Variants in SHISA5 observed in about 807,000 individuals in gnomAD.
SHISA5 encodes the protein protein shisa-5.
Under a neutral mutation model 27.5 loss-of-function variants are expected in SHISA5, and 21 were observed. The ratio of observed to expected loss-of-function variants is 0.76; its 90% confidence interval spans 0.54 to 1.10. The LOEUF (loss-of-function observed/expected upper bound fraction) is 1.10, where lower values mean the gene tolerates loss of function less well. SHISA5 is among the 50% of genes least tolerant of loss of function. The pLI, the probability that SHISA5 is intolerant of heterozygous loss-of-function variation, is 0.00. For synonymous variants in SHISA5, 137 were observed against 142.2 expected (o/e 0.96, Z 0.26); for missense variants, 314 against 336.3 (o/e 0.93, Z 0.52).
chr3:48,501,331 G>C, intron 1 of SHISA5, 38 bp from the exon 2 acceptor site: 1 of 1,601,490 alleles, frequency 6.2e-7, no homozygotes, highest in Non-Finnish European at 8.5e-7. Flanking sequence ...CTGTGCCCAC[G>C]GGCCAGGCCC....
In SHISA5 at chr3:48,468,761, G is replaced by C; in HGVS notation, c.*346C>G. On this transcript the variant is annotated 3_prime_UTR_variant, in exon 6 of 6. Transcript: ENST00000296444. The stretch of plus-strand genomic sequence containing the variant: ...GGTCACCCTAGGGTAAGCTGGAGAA[G>C]AACTCCAGATGTGCCCTGGAGAGGC... 1 of 1,378,764 alleles carries C rather than the reference G, an allele frequency of 7.3e-7. No individual in the cohort carries two copies. Among genetic ancestry groups the C allele is most frequent in the Non-Finnish European group, 9.6e-7 (1 of 1,046,972 alleles). The allele number at this position is 1,378,764 out of a possible 1,614,324, so 85.4% of individuals were successfully genotyped here. A position where few individuals can be genotyped will look rare whatever the true frequency, so the allele number is the denominator to read the frequency against.
At chr3:48,489,565 G>T (rs532876602) in intron 2 of SHISA5, among the ~76,000 whole-genome samples, 1 of 147,834 alleles carries the variant, frequency 6.8e-6, no homozygotes, top group East Asian at 2.0e-4. Flanking sequence ...CTTGTGATCC[G>T]CCCGCCTCGG....
chr3:48,501,420 T>A, intron 1 of SHISA5, 127 bp from the exon 2 acceptor site: 1 of 1,095,374 alleles, frequency 9.1e-7, no homozygotes, highest in Non-Finnish European at 1.3e-6. Context: ...TGAGCCACCC[T>A]AGCCACAGGC....
At position 48,504,083 on chromosome 3, in the gene SHISA5, C is replaced by A. The variant is rs372831270; in HGVS notation, c.12G>T (p.Pro4=). ...GCAACAGGATCCGCGGCGCGGGGAC[C>A]GGCGCAGTCATGGCTGGGCGGGCGG... The part of the protein sequence containing the change: MTA[P]VPAPRILLPL... Residue 4 remains proline (P), a synonymous_variant, in exon 1 of 6, where the codon CCG becomes CCT. Transcript: ENST00000296444. This position sits in a 1 kb window ranked among gnomAD's most constrained non-coding sequence, Gnocchi z 4.0. 3.6e-6 allele frequency: 5 copies of A among 1,390,440 alleles called. No homozygotes were observed. The highest frequency in any genetic ancestry group is 3.1e-5 in the East Asian group (1 of 32,544). The allele number at this position is 1,390,440 out of a possible 1,614,324, so 86.1% of individuals were successfully genotyped here.
rs751571592 is a variant in SHISA5 at position 48,468,788 on chromosome 3, CCCACCTCTCAGGGG to C, written c.*305_*318del. ...ACTCCAGATGTGCCCTGGAGAGGCC[CCCACCTCTCAGGGG>C]CCACCTCACAGGGTGCCCCCCACCA... On this transcript the variant is annotated 3_prime_UTR_variant, in exon 6 of 6. Coordinates refer to ENST00000296444, the MANE Select transcript of SHISA5 (RefSeq NM_016479.6). 1.6e-4 allele frequency: 227 copies of C among 1,424,418 alleles called. No individual in the cohort carries two copies. Among genetic ancestry groups the C allele is most frequent in the Non-Finnish European group, 2.0e-4 (220 of 1,075,706 alleles). The allele number at this position is 1,424,418 out of a possible 1,614,324, so 88.2% of individuals were successfully genotyped here.
Position 48,473,042 on chromosome 3 carries a change from T to C in SHISA5, c.315-3199A>G. The stretch of plus-strand genomic sequence containing the variant: ...TAGCCTCTGCCTTCACCCAGAGGCC[T>C]CCTGTACCCCTGGGCTTTCCCCTCT... On this transcript the variant is annotated intron_variant, in intron 3 of 5. Transcript: ENST00000296444. This position sits in a 1 kb window ranked among gnomAD's most constrained non-coding sequence, Gnocchi z 4.3. 6.5e-7 allele frequency: 1 copy of C among 1,535,220 alleles called. No homozygotes were observed. The highest frequency in any genetic ancestry group is 2.4e-5 in the East Asian group (1 of 40,894).
upstream of SHISA5, chr3:48,504,235 CAGG>C (rs1188815475): frequency 1.9e-3 from 714 of 370,354 alleles, no homozygotes; most frequent in Middle Eastern, 2.8e-3. This position sits in a 1 kb window ranked among gnomAD's most constrained non-coding sequence, Gnocchi z 4.0. Flanking sequence ...TCCGGGGGAG[CAGG>C]AGGAGGAGGA....
At chr3:48,484,845 A>C (rs1465017923) in intron 2 of SHISA5, among the ~76,000 whole-genome samples, 1 of 151,904 alleles carries the variant, frequency 6.6e-6, no homozygotes, top group South Asian at 2.1e-4. Flanking sequence ...GTGAGCCGAG[A>C]TGGCGCCACT....
intron 3 of SHISA5, among the ~76,000 whole-genome samples, chr3:48,471,927 G>A (rs192909508): frequency 6.6e-5 from 10 of 151,732 alleles, no homozygotes; most frequent in Admixed American, 3.3e-4. Flanking sequence ...GGCCAGGCGC[G>A]GTGGCAACAC....
intron 3 of SHISA5, chr3:48,477,103 A>AG (rs1242823517): frequency 4.6e-6 from 2 of 431,384 alleles, no homozygotes; most frequent in Admixed American, 2.7e-5. Context: ...TATAACATTG[A>AG]GAAAAAAAAA....
At position 48,474,011 on chromosome 3, in the gene SHISA5, A is replaced by AAAG. The variant is rs901794917; in HGVS notation, c.315-4169_315-4168insCTT. 1.3e-5 allele frequency among the ~76,000 whole-genome samples: 2 copies of AAAG among 151,872 alleles called. 1 individual carries two copies. Among genetic ancestry groups the AAAG allele is most frequent in the African/African-American group, 4.8e-5 (2 of 41,402 alleles). On this transcript the variant is annotated intron_variant, in intron 3 of 5. Coordinates refer to ENST00000296444, the MANE Select transcript of SHISA5 (RefSeq NM_016479.6). ...GAGTGAGAATCTGTCTCAAAAAAAA[A>AAAG]AAAAAAAAGAAGAGGAAGAAAAGAA...
At chr3:48,477,728 G>A (rs1017037225) in intron 3 of SHISA5, among the ~76,000 whole-genome samples, 4 of 152,142 alleles carry the variant, frequency 2.6e-5, no homozygotes, top group African/African-American at 4.8e-5. Context: ...ATTCCACAGC[G>A]CACTTCACCA....
intron 3 of SHISA5, chr3:48,477,032 T>TC (rs2040849430): frequency 4.5e-6 from 2 of 445,238 alleles, no homozygotes; most frequent in Non-Finnish European, 8.9e-6. Context: ...CCACTCCTCC[T>TC]CCTATGCCCC....
intron 1 of SHISA5, chr3:48,502,572 G>GC (rs2041789000): frequency 2.9e-6 from 1 of 349,024 alleles, no homozygotes; most frequent in African/African-American, 2.1e-5. Context: ...AATAACCCAG[G>GC]TTTTTGGATG....
intron 2 of SHISA5, among the ~76,000 whole-genome samples, chr3:48,483,721 A>AG (rs2041102183): frequency 1.4e-5 from 2 of 142,816 alleles, no homozygotes; most frequent in African/African-American, 2.7e-5. Flanking sequence ...TGGGGGGCTG[A>AG]CCCCCCCACC....
Position 48,473,514 on chromosome 3 carries a change from C to G in SHISA5, c.315-3671G>C. On this transcript the variant is annotated intron_variant, in intron 3 of 5. Transcript: ENST00000296444. This position sits in a 1 kb window ranked among gnomAD's most constrained non-coding sequence, Gnocchi z 4.3. ...GGCGACCCTGGGGCCCTGGCTGACA[C>G]ACATGCAAGGAGCAAAGTCCAGCCT... 1 of 1,289,742 alleles carries G rather than the reference C, an allele frequency of 7.8e-7. No individual in the cohort carries two copies. Among genetic ancestry groups the G allele is most frequent in the Non-Finnish European group, 1.0e-6 (1 of 989,182 alleles). 79.9% of individuals were successfully genotyped at this position (1,289,742 alleles called of 1,614,324 possible).
chr3:48,479,234 A>C lies in SHISA5; in HGVS notation c.257T>G (p.Val86Gly), dbSNP rs562821654. The C allele has an allele frequency of 1.9e-4, 283 of 1,487,962 alleles. No individual in the cohort carries two copies. In the South Asian group the frequency reaches 3.5e-3, roughly 19 times the overall value. 92.2% of individuals were successfully genotyped at this position (1,487,962 alleles called of 1,614,324 possible). The change falls in exon 3 of 6, where the codon GTG becomes GGG. Residue 86 changes from valine (V) to glycine (G), a missense_variant. Coordinates refer to ENST00000296444, the MANE Select transcript of SHISA5 (RefSeq NM_016479.6). ...CCTCAGCGCCGAGCCCAGCTGCTCC[A>C]CCGGCTCTACACTGGCAGGCACGCT... ...EASVPASVEP[V>G]EQLGSALRFR... is the part of the protein sequence containing the mutation.
intron 3 of SHISA5, among the ~76,000 whole-genome samples, chr3:48,477,882 C>T (rs2040875149): frequency 6.6e-6 from 1 of 152,214 alleles, no homozygotes; most frequent in Non-Finnish European, 1.5e-5. Context: ...TGGCCTCCAG[C>T]GCCTCTGGCC....
In SHISA5 at chr3:48,496,789, AC is replaced by A. The variant is rs1227459204; in HGVS notation, c.233+4347del. 6.6e-5 allele frequency among the ~76,000 whole-genome samples: 10 copies of A among 152,100 alleles called. No individual in the cohort carries two copies. In the East Asian group the frequency reaches 1.2e-3, roughly 18 times the overall value. On this transcript the variant is annotated intron_variant, in intron 2 of 5. Coordinates refer to ENST00000296444, the MANE Select transcript of SHISA5 (RefSeq NM_016479.6). The stretch of plus-strand genomic sequence containing the variant: ...ACTATTTATAATACCATAAAAAAAA[AC>A]AAAGGAAAAAATGAAACATATATAA...
Sources: allele counts gnomAD v4.1 joint callset (sites outside exome capture counted in the v4.1 genomes callset), GRCh38; gene constraint gnomAD v4.1.1; non-coding constraint Gnocchi (gnomAD v3.1); transcripts MANE v1.5; gene names NCBI Gene and HGNC (gene_info 2026-07-23, HGNC 2026-07-21).